PCDHGA12: variants seen among roughly 807,000 people sequenced by gnomAD.
PCDHGA12 encodes the protein protocadherin gamma-A12.
A neutral mutation model predicts 61.1 loss-of-function variants in PCDHGA12; 43 were observed. The ratio of observed to expected loss-of-function variants is 0.70; its 90% CI spans 0.55 to 0.91. PCDHGA12 has a LOEUF of 0.91. PCDHGA12 is among the 40% of genes least tolerant of loss of function. The pLI is 0.00. For synonymous variants in PCDHGA12, 520 were observed against 542.9 expected (o/e 0.96, Z 0.59); for missense variants, 1,236 against 1,227.7 (o/e 1.01, Z -0.10).
In PCDHGA12 at chr5:141,431,024, A is replaced by G; in HGVS notation, c.265A>G (p.Arg89Gly). ...PRSGSLVTAGRIDREELCMGA... is the reference protein window; with the variant it reads ...PRSGSLVTAGGIDREELCMGA... ...CAGCGGCAGCTTGGTCACGGCGGGCAGGATAGACCGGGAGGAGCTCTGTAT... is the reference window on the plus strand; with the variant it reads ...CAGCGGCAGCTTGGTCACGGCGGGCGGGATAGACCGGGAGGAGCTCTGTAT... Residue 89 changes from arginine to glycine, a missense_variant, in exon 1 of 4, where the codon AGG (arginine) becomes GGG (glycine). Physicochemically the swap from Arg to Gly is moderately radical, Grantham distance 125 (BLOSUM62 -2). Transcript: ENST00000252085. The surrounding 1 kb of genome is among the most constrained non-coding windows in gnomAD (Gnocchi z 4.8). 2.5e-6 allele frequency: 4 copies of G among 1,614,024 alleles called. No homozygotes were observed. The highest frequency in any genetic ancestry group is 3.4e-6 in the Non-Finnish European group (4 of 1,179,926).
At position 141,470,884 on chromosome 5, in the gene PCDHGA12, G is replaced by T. The variant is rs2099243316; in HGVS notation, c.2425-23923G>T. 3.3e-5 allele frequency among the ~76,000 whole-genome samples: 5 copies of T among 151,648 alleles called. No individual in the cohort carries two copies. In the South Asian group the frequency reaches 1.0e-3, roughly 32 times the overall value. On this transcript the variant is annotated intron_variant, in intron 1 of 3. Coordinates refer to ENST00000252085, the MANE Select transcript of PCDHGA12 (RefSeq NM_003735.3). ...TTTGTTTGTTTGTTTTTTTGTTTTT[G>T]TTTTTGTTTTTTGTAGAGATGGGAC...
At position 141,430,997 on chromosome 5, in the gene PCDHGA12, C is replaced by T; in HGVS notation, c.238C>T (p.Arg80Cys). 1 of 1,613,926 alleles carries T rather than the reference C, an allele frequency of 6.2e-7. No individual in the cohort carries two copies. Among genetic ancestry groups the T allele is most frequent in the Non-Finnish European group, 8.5e-7 (1 of 1,179,912 alleles). Residue 80 changes from arginine to cysteine, a missense_variant, in exon 1 of 4, where the codon CGC becomes TGC. Transcript: ENST00000252085. ...GACGCAGCTTTTCGCCCTGAATCCGCGCAGCGGCAGCTTGGTCACGGCGGG... is the reference window on the plus strand; with the variant it reads ...GACGCAGCTTTTCGCCCTGAATCCGTGCAGCGGCAGCTTGGTCACGGCGGG... ...GRTQLFALNP[R>C]SGSLVTAGRI...
intron 2 of PCDHGA12, among the ~76,000 whole-genome samples, chr5:141,500,180 TTA>T (rs2099797073): frequency 7.1e-6 from 1 of 140,608 alleles, no homozygotes; most frequent in African/African-American, 2.8e-5. Flanking sequence ...AGCTTCATTT[TTA>T]TTTTTATTTA....
Position 141,477,554 on chromosome 5 carries a change from A to T in PCDHGA12, c.2425-17253A>T. The T allele has an allele frequency of 6.2e-7, 1 of 1,614,112 alleles. No homozygotes were observed. Among genetic ancestry groups the T allele is most frequent in the South Asian group, 1.1e-5 (1 of 91,086 alleles). Reference sequence around the variant, plus strand: ...CCCCGGGGCTCCAATACTAAACCTAAGTGTCTGGGACCCCGACGCCCCGCA... The same window carrying T: ...CCCCGGGGCTCCAATACTAAACCTATGTGTCTGGGACCCCGACGCCCCGCA... On this transcript the variant is annotated intron_variant, in intron 1 of 3. Transcript: ENST00000252085. This position sits in a 1 kb window ranked among gnomAD's most constrained non-coding sequence, Gnocchi z 4.9.
At chr5:141,478,719 T>C in intron 1 of PCDHGA12, 1 of 1,543,882 alleles carries the variant, frequency 6.5e-7, no homozygotes, top group South Asian at 1.2e-5. Context: ...GATGGTGGCC[T>C]GCCAGAGTGT....
chr5:141,498,940 A>G (rs527366029), intron 2 of PCDHGA12, among the ~76,000 whole-genome samples: 57 of 140,142 alleles, frequency 4.1e-4, no homozygotes, highest in Non-Finnish European at 7.3e-4. Flanking sequence ...CAGGAAAGAA[A>G]GAAAGAAAAA....
At chr5:141,444,178 TTTTTTTTTTTG>T in intron 1 of PCDHGA12, among the ~76,000 whole-genome samples, 1 of 134,050 alleles carries the variant, frequency 7.5e-6, no homozygotes, top group Admixed American at 7.5e-5. Flanking sequence ...TTTTTTTTTT[TTTTTTTTTTTG>T]AGATGGAGTT....
chr5:141,438,337 T>C (rs935624931), intron 1 of PCDHGA12, among the ~76,000 whole-genome samples: 25 of 151,926 alleles, frequency 1.6e-4, no homozygotes, highest in Non-Finnish European at 1.9e-4. Context: ...ACATGTCATA[T>C]AAGGATCTAC....
chr5:141,501,326 CA>C (rs1562200763), intron 2 of PCDHGA12, among the ~76,000 whole-genome samples: 18 of 151,784 alleles, frequency 1.2e-4, no homozygotes, highest in African/African-American at 1.9e-4. Flanking sequence ...CACACACACA[CA>C]CACACACCCC....
At position 141,486,694 on chromosome 5, in the gene PCDHGA12, C is replaced by T. The variant is rs1275794121; in HGVS notation, c.2425-8113C>T. ...ATCGAGATGTATCAGCTTCCTCTTTCATCTCTCTGAACCCCCAGACAGGAG... is the reference window on the plus strand; with the variant it reads ...ATCGAGATGTATCAGCTTCCTCTTTTATCTCTCTGAACCCCCAGACAGGAG... On this transcript the variant is annotated intron_variant, in intron 1 of 3. Transcript: ENST00000252085. This position sits in a 1 kb window ranked among gnomAD's most constrained non-coding sequence, Gnocchi z 5.0. 1.2e-6 allele frequency: 2 copies of T among 1,614,168 alleles called. No individual in the cohort carries two copies. Among genetic ancestry groups the T allele is most frequent in the Non-Finnish European group, 1.7e-6 (2 of 1,180,044 alleles).
chr5:141,449,073 T>C (rs889880816), intron 1 of PCDHGA12, among the ~76,000 whole-genome samples: 1 of 152,246 alleles, frequency 6.6e-6, no homozygotes, highest in African/African-American at 2.4e-5. Flanking sequence ...TGAATAGCCC[T>C]GTACCTACAT....
chr5:141,473,048 A>T (rs1295750830), intron 1 of PCDHGA12, among the ~76,000 whole-genome samples: 4 of 151,992 alleles, frequency 2.6e-5, no homozygotes, highest in Non-Finnish European at 5.9e-5. Flanking sequence ...GAAAGAAAGA[A>T]GTGATACAAC....
chr5:141,472,454 C>T (rs538141635), intron 1 of PCDHGA12, among the ~76,000 whole-genome samples: 3 of 151,192 alleles, frequency 2.0e-5, no homozygotes, highest in South Asian at 4.2e-4. Context: ...GCAGGAGAAT[C>T]GCTTGAACCC....
intron 3 of PCDHGA12, among the ~76,000 whole-genome samples, chr5:141,508,772 C>T (rs1015277795): frequency 5.3e-5 from 8 of 152,070 alleles, no homozygotes; most frequent in African/African-American, 1.2e-4. Flanking sequence ...TGAGGTCCCC[C>T]CTCTAGCCCC....
intron 1 of PCDHGA12, among the ~76,000 whole-genome samples, chr5:141,461,768 C>T (rs532591390): frequency 1.3e-5 from 2 of 152,016 alleles, no homozygotes; most frequent in African/African-American, 4.8e-5. Context: ...ATTCTCCTGC[C>T]TCAGCCTCCC....
intron 1 of PCDHGA12, among the ~76,000 whole-genome samples, chr5:141,463,948 C>A (rs1397198849): frequency 6.6e-6 from 1 of 151,846 alleles, no homozygotes; most frequent in Non-Finnish European, 1.5e-5. Context: ...TAGAAATCTT[C>A]ATTTTTAAAA....
chr5:141,470,476 A>G (rs1009129571), intron 1 of PCDHGA12, among the ~76,000 whole-genome samples: 7 of 152,128 alleles, frequency 4.6e-5, no homozygotes, highest in African/African-American at 1.7e-4. Context: ...GATATTACTA[A>G]CCCTCTGGGA....
At position 141,485,811 on chromosome 5, in the gene PCDHGA12, C is replaced by T; in HGVS notation, c.2425-8996C>T. 6.2e-7 allele frequency: 1 copy of T among 1,614,220 alleles called. No homozygotes were observed. The highest frequency in any genetic ancestry group is 8.5e-7 in the Non-Finnish European group (1 of 1,180,028). ...CAATCGGACTACCGCCTGGTGCTGA[C>T]TGCTGTCGATGGAGGGAACCCGCCG... On this transcript the variant is annotated intron_variant, in intron 1 of 3. Transcript: ENST00000252085. This position sits in a 1 kb window ranked among gnomAD's most constrained non-coding sequence, Gnocchi z 5.7.
chr5:141,473,796 G>A (rs2099328996), intron 1 of PCDHGA12, among the ~76,000 whole-genome samples: 1 of 152,224 alleles, frequency 6.6e-6, no homozygotes, highest in African/African-American at 2.4e-5. Context: ...GCAGTATGAT[G>A]CTACTGAGGA....
Sources: gnomAD v4.1 joint callset for allele counts (sites outside exome capture counted in the v4.1 genomes callset) on GRCh38, gnomAD v4.1.1 for gene constraint, Gnocchi (gnomAD v3.1) non-coding constraint, MANE v1.5 for transcripts, NCBI Gene and HGNC (gene_info 2026-07-23, HGNC 2026-07-21) for gene names.